SH3D19: variants seen among roughly 807,000 people sequenced by gnomAD.
SH3D19 encodes SH3 domain-containing protein 19.
SH3D19 carries 58 observed loss-of-function variants against 112.1 expected under a neutral mutation model. The observed-to-expected ratio is 0.52, with a 90% CI of 0.42 to 0.64. The LOEUF (loss-of-function observed/expected upper bound fraction) is 0.64. Among genes scored for constraint, SH3D19 ranks in the 30% least tolerant of loss-of-function variants. The probability of loss-of-function intolerance (pLI) is 0.00; values close to 1 mark genes in which losing one functional copy is unlikely to be tolerated. For synonymous variants in SH3D19, 391 were observed against 448.5 expected, an observed-to-expected ratio of 0.87 and a Z score of 1.62; for missense variants, 1,090 against 1,263.4, an observed-to-expected ratio of 0.86 and a Z score of 2.08.
At chr4:151,271,632 A>G (rs966062392) in intron 1 of SH3D19, among the ~76,000 whole-genome samples, 3 of 152,226 alleles carry the variant, frequency 2.0e-5, no homozygotes, top group African/African-American at 7.2e-5. Flanking sequence ...CAATAGTGCC[A>G]AGGTTGAGAA....
intron 1 of SH3D19, among the ~76,000 whole-genome samples, chr4:151,313,411 T>G (rs72725939): frequency 1.4e-5 from 2 of 147,874 alleles, no homozygotes; most frequent in Non-Finnish European, 3.1e-5. Context: ...ATGTATTTAT[T>G]TATTTATTTA....
At chr4:151,215,051 G>C (rs13122735) in intron 2 of SH3D19, among the ~76,000 whole-genome samples, 1 of 148,066 alleles carries the variant, frequency 6.8e-6, no homozygotes, top group African/African-American at 2.5e-5. Flanking sequence ...GGGCAAAGGC[G>C]CTCCCCACAT....
At chr4:151,298,644 C>CATA (rs35548969) in intron 1 of SH3D19, among the ~76,000 whole-genome samples, 71,753 of 151,664 alleles carry the variant, frequency 0.47, 17,307 homozygotes, top group Non-Finnish European at 0.52. Context: ...GAAATAAAAG[C>CATA]ACAATCTGTT....
At chr4:151,197,402 C>T (rs534156976) in intron 2 of SH3D19, among the ~76,000 whole-genome samples, 2 of 152,336 alleles carry the variant, frequency 1.3e-5, no homozygotes, top group East Asian at 3.9e-4. Flanking sequence ...AGTTGCACGG[C>T]ATGGGTGTCT....
chr4:151,320,578 C>A (rs1730435556), intron 1 of SH3D19, among the ~76,000 whole-genome samples: 1 of 151,890 alleles, frequency 6.6e-6, no homozygotes, highest in African/African-American at 2.4e-5. Flanking sequence ...CGAAAGAAAC[C>A]ATAGAGAAAA....
At chr4:151,195,370 T>C (rs1763274905) in intron 2 of SH3D19, among the ~76,000 whole-genome samples, 1 of 22,756 alleles carries the variant, frequency 4.4e-5, no homozygotes, top group African/African-American at 1.4e-4. Context: ...AGACTCTGTC[T>C]CAAAAAAAAA....
chr4:151,248,234 G>T (rs899314199), intron 1 of SH3D19, among the ~76,000 whole-genome samples: 1 of 152,100 alleles, frequency 6.6e-6, no homozygotes, highest in Admixed American at 6.5e-5. Context: ...GAGAAGCTGG[G>T]ATTACAGGTG....
chr4:151,127,711 C>T lies in SH3D19; in HGVS notation c.2934G>A (p.Glu978=). The T allele has an allele frequency of 6.3e-7, 1 of 1,588,862 alleles. No homozygotes were observed. The highest frequency in any genetic ancestry group is 1.9e-5 in the Admixed American group (1 of 53,186). The change falls in exon 19 of 20, where the codon GAG becomes GAA. Residue 978 remains glutamate (E), a synonymous_variant. Transcript: ENST00000604030. ...GTACTATGGCCAACATACTTTTTGC[C>T]TCAGCTGTGAAGACATAAAAAATTT... ...PAVFVRPCPA[E]AKSMLAIVPK...
intron 1 of SH3D19, among the ~76,000 whole-genome samples, chr4:151,282,605 A>G (rs1774359002): frequency 6.6e-6 from 1 of 152,186 alleles, no homozygotes; most frequent in South Asian, 2.1e-4. Flanking sequence ...TTACTCTTGC[A>G]TCTTGCAGAG....
At chr4:151,301,227 G>C (rs1053867035) in intron 1 of SH3D19, among the ~76,000 whole-genome samples, 13 of 152,074 alleles carry the variant, frequency 8.5e-5, no homozygotes, top group African/African-American at 2.9e-4. Flanking sequence ...AGATCTGCTT[G>C]TTTTTATTTA....
chr4:151,195,228 C>T (rs551008193), intron 2 of SH3D19, among the ~76,000 whole-genome samples: 17 of 150,910 alleles, frequency 1.1e-4, no homozygotes, highest in East Asian at 1.9e-4. Flanking sequence ...AAAAATTAGC[C>T]GGGCATGATG....
chr4:151,183,587 G>A (rs373207261), intron 3 of SH3D19, among the ~76,000 whole-genome samples: 1 of 152,274 alleles, frequency 6.6e-6, no homozygotes, highest in East Asian at 1.9e-4. Flanking sequence ...AGGAGAGTGG[G>A]ATGCTAGCTA....
intron 1 of SH3D19, among the ~76,000 whole-genome samples, chr4:151,310,925 T>G (rs1194259358): frequency 6.6e-6 from 1 of 151,232 alleles, no homozygotes; most frequent in Non-Finnish European, 1.5e-5. Flanking sequence ...ACTGCAGCAT[T>G]ATTCACAATA....
chr4:151,299,659 T>A (rs1263127736), intron 1 of SH3D19, among the ~76,000 whole-genome samples: 2 of 151,754 alleles, frequency 1.3e-5, no homozygotes, highest in Non-Finnish European at 2.9e-5. Context: ...AATCTCCTAT[T>A]CCCTTATGAG....
chr4:151,205,335 G>T (rs1028519534), intron 2 of SH3D19, among the ~76,000 whole-genome samples: 3 of 152,196 alleles, frequency 2.0e-5, no homozygotes, highest in Non-Finnish European at 4.4e-5. Flanking sequence ...TACACTTGAA[G>T]ATTGTTTGCT....
At chr4:151,290,677 T>C (rs1775233878) in intron 1 of SH3D19, among the ~76,000 whole-genome samples, 1 of 152,198 alleles carries the variant, frequency 6.6e-6, no homozygotes, top group Non-Finnish European at 1.5e-5. Context: ...ATGTGAATTA[T>C]ATGACAGTAA....
intron 1 of SH3D19, among the ~76,000 whole-genome samples, chr4:151,258,758 G>A (rs549474630): frequency 1.3e-5 from 2 of 152,292 alleles, no homozygotes; most frequent in South Asian, 4.1e-4. Context: ...AGAGGAGGGG[G>A]TGAAGCAGAG....
chr4:151,254,529 G>GCTTAACC, intron 1 of SH3D19, among the ~76,000 whole-genome samples: 2 of 107,170 alleles, frequency 1.9e-5, no homozygotes. Flanking sequence ...GACTCTTAAG[G>GCTTAACC]AGCATGCTGC....
rs1747867012 is a variant in SH3D19, at chr4:151,120,729, G to A, written c.*1362C>T. ...CTCCAGGTTGTAGTCACGTAAAAGT[G>A]TGGCCACTTGTTGCTTAACTTTTTG... On this transcript the variant is annotated 3_prime_UTR_variant, in exon 20 of 20. Transcript: ENST00000604030. 1 of 152,232 alleles carries A rather than the reference G, an allele frequency of 6.6e-6. No individual in the cohort carries two copies. Among genetic ancestry groups the A allele is most frequent in the Non-Finnish European group, 1.5e-5 (1 of 68,008 alleles). 9.4% of individuals were successfully genotyped at this position (152,232 alleles called of 1,614,324 possible). A position where few individuals can be genotyped will look rare whatever the true frequency, so the allele number is the denominator to read the frequency against.
Sources: allele counts gnomAD v4.1 joint callset (sites outside exome capture counted in the v4.1 genomes callset), GRCh38; gene constraint gnomAD v4.1.1; transcripts MANE v1.5; gene names NCBI Gene and HGNC (gene_info 2026-07-23, HGNC 2026-07-21).